RGS6: variants seen among roughly 807,000 people sequenced by gnomAD.
The protein encoded by RGS6 is regulator of G-protein signaling 6.
A neutral mutation model predicts 78.5 loss-of-function variants in RGS6; 30 were observed. The observed-to-expected ratio is 0.38, with a 90% CI of 0.29 to 0.52. The LOEUF is 0.52. Among genes scored for constraint, RGS6 ranks in the 20% least tolerant of loss-of-function variants. The pLI is 0.85. For missense variants in RGS6, 495 were observed against 609.7 expected (o/e 0.81, Z 1.98); for synonymous variants, 206 against 206.0 (o/e 1.00, Z 0.00).
chr14:72,277,632 C>G (rs918953639), intron 2 of RGS6, among the ~76,000 whole-genome samples: 1 of 151,324 alleles, frequency 6.6e-6, no homozygotes, highest in Admixed American at 6.6e-5. Context: ...TTAAAAATCT[C>G]TACTCTCCAG....
At chr14:72,200,740 G>C (rs1266917681) in intron 2 of RGS6, among the ~76,000 whole-genome samples, 1 of 152,084 alleles carries the variant, frequency 6.6e-6, no homozygotes, top group African/African-American at 2.4e-5. Flanking sequence ...GGGGATTCCA[G>C]ATACTTAACA....
chr14:72,019,504 C>A (rs1378333358), intron 2 of RGS6, among the ~76,000 whole-genome samples: 2 of 152,138 alleles, frequency 1.3e-5, no homozygotes, highest in Non-Finnish European at 2.9e-5. Context: ...ATTAGCACTT[C>A]CTTCTGAGTG....
intron 3 of RGS6, among the ~76,000 whole-genome samples, chr14:72,382,519 T>C (rs1267435460): frequency 3.3e-5 from 5 of 152,172 alleles, no homozygotes; most frequent in Admixed American, 6.5e-5. Flanking sequence ...CAAACCACAT[T>C]GGAAAACGTT....
chr14:72,603,972 C>A, the RGS6 span, among the ~76,000 whole-genome samples: 1 of 152,138 alleles, frequency 6.6e-6, no homozygotes, highest in Non-Finnish European at 1.5e-5. Context: ...CTGGACACTG[C>A]ATAGAGGATG....
At position 72,304,152 on chromosome 14, in the gene RGS6, CTGTGGACTGT is replaced by C. The variant is rs112766602; in HGVS notation, c.85-47942_85-47933del. On this transcript the variant is annotated intron_variant, in intron 2 of 17. Coordinates refer to ENST00000553525, the MANE Select transcript of RGS6 (RefSeq NM_001204424.2). ...CCCACAGCCCTTGTGGTTTGCTCTG[CTGTGGACTGT>C]AGCCCCTGTATGGTGAACAGTGTCC... Among the ~76,000 whole-genome samples the C allele has an allele frequency of 8.8e-3, 1,347 of 152,338 alleles. 21 individuals are homozygous for C. The highest frequency in any genetic ancestry group is 0.031 in the African/African-American group (1,281 of 41,582).
chr14:72,436,260 A>T (rs2094909342), intron 3 of RGS6, among the ~76,000 whole-genome samples: 1 of 147,954 alleles, frequency 6.8e-6, no homozygotes. Context: ...CTGCCATCTT[A>T]TTTGTTTTTT....
chr14:72,453,991 G>C lies in RGS6; in HGVS notation c.185-537G>C, dbSNP rs78772133. Among the ~76,000 whole-genome samples the C allele has an allele frequency of 6.3e-3, 967 of 152,334 alleles. 11 individuals are homozygous for C. The highest frequency in any genetic ancestry group is 0.022 in the African/African-American group (913 of 41,572). On this transcript the variant is annotated intron_variant, in intron 3 of 17. Transcript: ENST00000553525. ...AGAACTCAGTCCATATCTAAGTGCA[G>C]GGGAGGCTGGAAATGTAATCTAGCT... is the stretch of plus-strand genomic sequence containing the variant.
At chr14:72,582,840 C>T in the RGS6 span, among the ~76,000 whole-genome samples, 2 of 151,788 alleles carry the variant, frequency 1.3e-5, no homozygotes, top group African/African-American at 4.8e-5. Context: ...TAGGTGTCAA[C>T]TTGACTGGAT....
intron 2 of RGS6, among the ~76,000 whole-genome samples, chr14:72,315,291 T>G (rs1245816062): frequency 1.3e-5 from 2 of 152,228 alleles, no homozygotes; most frequent in Non-Finnish European, 2.9e-5. Flanking sequence ...TGTAAATATG[T>G]TTCTGTTAGA....
intron 2 of RGS6, among the ~76,000 whole-genome samples, chr14:72,188,967 A>G (rs149636): frequency 0.18 from 27,829 of 152,158 alleles, 2,768 homozygotes; most frequent in East Asian, 0.35. Context: ...TCATTATTCA[A>G]TAGAACGAGG....
chr14:72,282,515 G>A lies in RGS6; in HGVS notation c.85-69580G>A, dbSNP rs139377527. ...GCCACAAAGGTAGCAGTGGCAACCC[G>A]TCCACCCCTGCTTAATGCTACTCCT... is the stretch of plus-strand genomic sequence containing the variant. On this transcript the variant is annotated intron_variant, in intron 2 of 17. Coordinates refer to ENST00000553525, the MANE Select transcript of RGS6 (RefSeq NM_001204424.2). Among the ~76,000 whole-genome samples, 562 of 152,274 alleles carry A rather than the reference G, an allele frequency of 3.7e-3. 2 individuals carry two copies. Among genetic ancestry groups the A allele is most frequent in the African/African-American group, 0.012 (508 of 41,556 alleles).
intron 7 of RGS6, among the ~76,000 whole-genome samples, chr14:72,467,512 C>A (rs886884491): frequency 6.6e-6 from 1 of 152,142 alleles, no homozygotes; most frequent in Non-Finnish European, 1.5e-5. Context: ...ACCAAGCCAG[C>A]TGGGCCATCG....
chr14:72,508,914 G>C (rs2096844914), intron 13 of RGS6, among the ~76,000 whole-genome samples: 1 of 151,984 alleles, frequency 6.6e-6, no homozygotes, highest in Non-Finnish European at 1.5e-5. Context: ...CTGTTTAAAG[G>C]GCCAAGGACA....
At chr14:71,925,475 G>A in the RGS6 span, among the ~76,000 whole-genome samples, 3 of 151,922 alleles carry the variant, frequency 2.0e-5, no homozygotes, top group Non-Finnish European at 2.9e-5. Context: ...CAAACTTATC[G>A]CTCAGGCCAA....
At chr14:72,603,751 G>A in the RGS6 span, among the ~76,000 whole-genome samples, 21 of 152,116 alleles carry the variant, frequency 1.4e-4, no homozygotes, top group Non-Finnish European at 2.4e-4. Context: ...GGTGGAGAAC[G>A]AGTATGTATG....
chr14:72,173,584 A>G (rs895568109), intron 2 of RGS6, among the ~76,000 whole-genome samples: 3 of 152,196 alleles, frequency 2.0e-5, no homozygotes, highest in South Asian at 2.1e-4. Context: ...CGTTTTTCCC[A>G]TGACACACAT....
intron 3 of RGS6, among the ~76,000 whole-genome samples, chr14:72,403,072 A>G (rs2092611230): frequency 1.3e-5 from 2 of 152,078 alleles, no homozygotes. Context: ...ATTACAGATA[A>G]GAGCTACCAT....
chr14:72,619,442 T>G, the RGS6 span: 10 of 1,467,560 alleles, frequency 6.8e-6, no homozygotes, highest in Admixed American at 1.8e-4. Flanking sequence ...CCCTAACTTC[T>G]TGTAAATCCT....
the RGS6 span, among the ~76,000 whole-genome samples, chr14:71,896,502 C>T: frequency 6.6e-6 from 1 of 152,188 alleles, no homozygotes; most frequent in African/African-American, 2.4e-5. Flanking sequence ...TTCTTTACCA[C>T]AGGCTGTTTT....
Sources: gnomAD v4.1 joint callset for allele counts (sites outside exome capture counted in the v4.1 genomes callset) on GRCh38, gnomAD v4.1.1 for gene constraint, MANE v1.5 for transcripts, NCBI Gene and HGNC (gene_info 2026-07-23, HGNC 2026-07-21) for gene names.